The following ZNF385D variants were observed in gnomAD, a reference collection of about 807,000 sequenced individuals.
ZNF385D encodes the protein zinc finger protein 659.
A neutral mutation model predicts 35.8 loss-of-function variants in ZNF385D; 15 were observed. That is an observed-to-expected ratio of 0.42 (90% CI 0.28 to 0.64). The LOEUF is 0.64. Among genes scored for constraint, ZNF385D ranks in the 30% least tolerant of loss-of-function variants. The pLI is 0.23. For synonymous variants in ZNF385D, 212 were observed against 186.8 expected (o/e 1.13, Z -1.10); for missense variants, 474 against 494.6 (o/e 0.96, Z 0.39).
chr3:22,142,932 A>G (rs1290706317), intron 3 of ZNF385D, among the ~76,000 whole-genome samples: 2 of 152,074 alleles, frequency 1.3e-5, no homozygotes, highest in Non-Finnish European at 2.9e-5. Context: ...AGGATACTGC[A>G]CTATTACTTG....
At chr3:22,122,349 T>C (rs978630448) in intron 3 of ZNF385D, among the ~76,000 whole-genome samples, 1 of 152,116 alleles carries the variant, frequency 6.6e-6, no homozygotes, top group South Asian at 2.1e-4. Context: ...CTGTAATTGA[T>C]TCTGGATTTT....
chr3:21,594,103 A>G (rs1183149214), intron 2 of ZNF385D, among the ~76,000 whole-genome samples: 1 of 152,208 alleles, frequency 6.6e-6, no homozygotes, highest in Non-Finnish European at 1.5e-5. Context: ...ACTCTAGCAG[A>G]TAGGGCTCTT....
intron 4 of ZNF385D, among the ~76,000 whole-genome samples, chr3:21,455,228 A>G (rs1254434207): frequency 2.6e-5 from 4 of 152,224 alleles, no homozygotes; most frequent in Admixed American, 2.6e-4. Flanking sequence ...AGAATTGGAA[A>G]AAACTATTGT....
intron 2 of ZNF385D, among the ~76,000 whole-genome samples, chr3:22,211,319 A>C (rs1455313933): frequency 6.6e-6 from 1 of 151,930 alleles, no homozygotes; most frequent in East Asian, 1.9e-4. Context: ...TGTTCTGAAT[A>C]TGTCAGTAGC....
chr3:22,265,884 G>A (rs1397566054), intron 2 of ZNF385D, among the ~76,000 whole-genome samples: 2 of 151,924 alleles, frequency 1.3e-5, no homozygotes, highest in East Asian at 3.9e-4. Context: ...CACATACCTT[G>A]ACATCATATA....
rs528099358 is a variant in ZNF385D, at chr3:21,575,292, G to A, written c.166-10608C>T. Among the ~76,000 whole-genome samples, 7 of 152,214 alleles carry A rather than the reference G, an allele frequency of 4.6e-5. No individual in the cohort carries two copies. In the South Asian group the frequency reaches 1.5e-3, roughly 32 times the overall value. ...TGCAGGGTGGAGGTGGGAGGGTGGT[G>A]TTTAATGGAGGTACACAAAAAGTCT... On this transcript the variant is annotated intron_variant, in intron 2 of 7. Transcript: ENST00000281523.
At chr3:22,207,985 G>A (rs544885059) in intron 2 of ZNF385D, among the ~76,000 whole-genome samples, 1 of 151,898 alleles carries the variant, frequency 6.6e-6, no homozygotes, top group Non-Finnish European at 1.5e-5. Flanking sequence ...GGATGGGAAT[G>A]TAAATTAGTA....
chr3:22,148,835 G>A (rs1171045931), intron 3 of ZNF385D, among the ~76,000 whole-genome samples: 1 of 152,132 alleles, frequency 6.6e-6, no homozygotes, highest in Non-Finnish European at 1.5e-5. Flanking sequence ...TTCTGTCTGA[G>A]AAGTATTAAA....
chr3:21,453,338 A>C (rs1702584382), intron 4 of ZNF385D, among the ~76,000 whole-genome samples: 1 of 152,066 alleles, frequency 6.6e-6, no homozygotes, highest in South Asian at 2.1e-4. Flanking sequence ...AAATAAAAGC[A>C]TGAGGAACAA....
chr3:22,005,194 C>T (rs1183520859), intron 3 of ZNF385D, among the ~76,000 whole-genome samples: 2 of 150,636 alleles, frequency 1.3e-5, no homozygotes, highest in African/African-American at 4.9e-5. Flanking sequence ...TGTTCAACAT[C>T]ACTATACACC....
chr3:22,047,773 T>C (rs952144609), intron 3 of ZNF385D, among the ~76,000 whole-genome samples: 1 of 152,198 alleles, frequency 6.6e-6, no homozygotes, highest in Non-Finnish European at 1.5e-5. Context: ...AGAAGTGGGA[T>C]TGCCAAATCA....
chr3:21,460,686 A>G (rs868866795), intron 4 of ZNF385D, among the ~76,000 whole-genome samples: 37 of 145,710 alleles, frequency 2.5e-4, no homozygotes, highest in African/African-American at 9.6e-4. Context: ...ATTCACTACA[A>G]TTTTTTTTAA....
chr3:22,217,479 C>T (rs1458572300), intron 2 of ZNF385D, among the ~76,000 whole-genome samples: 3 of 152,106 alleles, frequency 2.0e-5, no homozygotes, highest in Non-Finnish European at 4.4e-5. Context: ...CCAGTATGAC[C>T]TCTTAACGAA....
intron 3 of ZNF385D, among the ~76,000 whole-genome samples, chr3:21,807,969 A>C (rs1380709613): frequency 6.6e-6 from 1 of 152,192 alleles, no homozygotes; most frequent in Non-Finnish European, 1.5e-5. Flanking sequence ...TTCAGATTTT[A>C]ATTTTGTGTT....
Position 21,539,343 on chromosome 3 carries a change from G to A in ZNF385D, c.276+25231C>T, listed in dbSNP as rs1407338229. ...GGTTTTGTTTCACGGATTAAATTAAGAACCAATAATATCTAAATGCTGGTA... is the reference window on the plus strand; with the variant it reads ...GGTTTTGTTTCACGGATTAAATTAAAAACCAATAATATCTAAATGCTGGTA... On this transcript the variant is annotated intron_variant, in intron 3 of 7. Coordinates refer to ENST00000281523, the MANE Select transcript of ZNF385D (RefSeq NM_024697.3). The surrounding 1 kb of genome is among the most constrained non-coding windows in gnomAD (Gnocchi z 4.0). Among the ~76,000 whole-genome samples the A allele has an allele frequency of 6.6e-6, 1 of 152,084 alleles. No homozygotes were observed. Among genetic ancestry groups the A allele is most frequent in the Non-Finnish European group, 1.5e-5 (1 of 68,004 alleles).
Position 21,414,186 on chromosome 3 carries a change from TACAAAACAAAACAAAACAAA to T in ZNF385D, c.*7008_*7027del, listed in dbSNP as rs140477788. On this transcript the variant is annotated 3_prime_UTR_variant, in exon 8 of 8. Coordinates refer to ENST00000281523, the MANE Select transcript of ZNF385D (RefSeq NM_024697.3). ...TATTTAATAAAAATTGCTGTGGATT[TACAAAACAAAACAAAACAAA>T]ACAAAACAAAACAAAAAAAAGTTCA... 1 of 127,960 alleles carries T rather than the reference TACAAAACAAAACAAAACAAA, an allele frequency of 7.8e-6. No homozygotes were observed. Among genetic ancestry groups the T allele is most frequent in the African/African-American group, 2.6e-5 (1 of 37,820 alleles). The allele number at this position is 127,960 out of a possible 1,614,324, so 7.9% of individuals were successfully genotyped here. A position where few individuals can be genotyped will look rare whatever the true frequency, so the allele number is the denominator to read the frequency against.
chr3:21,684,403 T>TCTCTCC (rs1559516801), intron 1 of ZNF385D, among the ~76,000 whole-genome samples: 2 of 70,806 alleles, frequency 2.8e-5, no homozygotes, highest in South Asian at 5.6e-4. Flanking sequence ...TCTCTCTCTC[T>TCTCTCC]CCTCTCTCTC....
intron 3 of ZNF385D, among the ~76,000 whole-genome samples, chr3:22,007,618 G>A (rs1237284647): frequency 2.0e-5 from 3 of 152,138 alleles, no homozygotes; most frequent in Non-Finnish European, 4.4e-5. Flanking sequence ...ATGAAAGTAG[G>A]TATTTCGTCA....
intron 2 of ZNF385D, among the ~76,000 whole-genome samples, chr3:22,199,046 G>T (rs147063286): frequency 1.3e-5 from 2 of 151,982 alleles, no homozygotes; most frequent in Non-Finnish European, 2.9e-5. Flanking sequence ...TATGCTTATT[G>T]ATTGGTCTCG....
Sources: gnomAD v4.1 joint callset for allele counts (sites outside exome capture counted in the v4.1 genomes callset) on GRCh38, gnomAD v4.1.1 for gene constraint, Gnocchi (gnomAD v3.1) non-coding constraint, MANE v1.5 for transcripts, NCBI Gene and HGNC (gene_info 2026-07-23, HGNC 2026-07-21) for gene names.